Variants in SSRP1 observed in about 807,000 individuals in gnomAD.
The protein encoded by SSRP1 is FACT complex subunit SSRP1.
In SSRP1, 21 loss-of-function variants were observed where a neutral mutation model predicts 84.4. That is an observed-to-expected ratio of 0.25 (90% CI 0.18 to 0.36). The LOEUF is 0.36. Among genes scored for constraint, SSRP1 ranks in the 10% least tolerant of loss-of-function variants. SSRP1 has a pLI of 1.00. For synonymous variants in SSRP1, 319 were observed against 318.3 expected (o/e 1.00, Z -0.02); for missense variants, 519 against 900.8 (o/e 0.58, Z 5.43).
chr11:57,331,629 G>T (rs748837084), intron 9 of SSRP1, 39 bp downstream of exon 9: 17 of 1,557,624 alleles, frequency 1.1e-5, no homozygotes, highest in Non-Finnish European at 1.4e-5. Context: ...GCTGGCTCGG[G>T]ACCAGGATGC....
At chr11:57,326,621 CATT>C in intron 16 of SSRP1, 79 bp downstream of exon 16, 2 of 1,584,940 alleles carry the variant, frequency 1.3e-6, no homozygotes, top group Non-Finnish European at 1.7e-6. Context: ...CACTCCAACT[CATT>C]ACTCTTACAG....
rs1431595881 is a variant in SSRP1 at position 57,332,351 on chromosome 11, G to C, written c.872+32C>G. 2 of 1,613,852 alleles carry C rather than the reference G, an allele frequency of 1.2e-6. No homozygotes were observed. The highest frequency in any genetic ancestry group is 1.7e-6 in the Non-Finnish European group (2 of 1,179,778). On this transcript the variant is annotated intron_variant, in intron 7 of 16. Coordinates refer to ENST00000278412, the MANE Select transcript of SSRP1 (RefSeq NM_003146.3). This position sits in a 1 kb window ranked among gnomAD's most constrained non-coding sequence, Gnocchi z 5.5. The stretch of plus-strand genomic sequence containing the variant: ...GGCACACCTGTCTCCTGCCTGGACA[G>C]TGGTAGGAAACGAGTCCAGGGAGAC...
At chr11:57,327,668 C>G in intron 14 of SSRP1, 44 bp downstream of exon 14, 1 of 1,609,184 alleles carries the variant, frequency 6.2e-7, no homozygotes, top group Non-Finnish European at 8.5e-7. Flanking sequence ...CAGCACCTCT[C>G]GCCAGCCCAT....
At position 57,333,024 on chromosome 11, in the gene SSRP1, C is replaced by A. The variant is rs1856125275; in HGVS notation, c.472G>T (p.Val158Leu). The A allele has an allele frequency of 6.2e-7, 1 of 1,614,058 alleles. No homozygotes were observed. Residue 158 changes from valine (V) to leucine (L), a missense_variant, in exon 5 of 17, where the codon GTG becomes TTG. Physicochemically the swap from Val to Leu is conservative, Grantham distance 32 (BLOSUM62 1). Transcript: ENST00000278412. The part of the protein sequence containing the change: ...LEFHQNDDAE[V>L]SLMEVRFYVP... Reference sequence around the variant, plus strand: ...TAGAAGCGCACCTCCATGAGAGACACCTCTGCGTCATCGTTTTGGTGGAAT... The same window carrying A: ...TAGAAGCGCACCTCCATGAGAGACAACTCTGCGTCATCGTTTTGGTGGAAT...
rs1435021032 is a variant in SSRP1, at chr11:57,335,374, C to G, written c.-119-134G>C. The G allele has an allele frequency of 2.2e-6, 1 of 465,088 alleles. No homozygotes were observed. Among genetic ancestry groups the G allele is most frequent in the Non-Finnish European group, 4.0e-6 (1 of 249,892 alleles). 28.8% of individuals were successfully genotyped at this position (465,088 alleles called of 1,614,324 possible). Reference sequence around the variant, plus strand: ...CTGCCTGGAAACCTACAGACGGACGCTGCAGTGCCCGAGGGTCCAGGTCCA... The same window carrying G: ...CTGCCTGGAAACCTACAGACGGACGGTGCAGTGCCCGAGGGTCCAGGTCCA... On this transcript the variant is annotated intron_variant, in intron 1 of 16. Coordinates refer to ENST00000278412, the MANE Select transcript of SSRP1 (RefSeq NM_003146.3). This position sits in a 1 kb window ranked among gnomAD's most constrained non-coding sequence, Gnocchi z 4.6.
chr11:57,334,713 T>G, intron 2 of SSRP1, 65 bp from the exon 3 acceptor site: 60 of 1,550,410 alleles, frequency 3.9e-5, no homozygotes, highest in Non-Finnish European at 4.9e-5. Flanking sequence ...TCTACAGCTC[T>G]ACCTAACACA....
In SSRP1 at chr11:57,327,860, T is replaced by C. The variant is rs144558178; in HGVS notation, c.1634A>G (p.Asn545Ser). ...TGCAGACATGGGCCTCTTGGGGGCA[T>C]TGGGGTCTTTGCCCTTCTTCACCTA... ...PVEVKKGKDP[N>S]APKRPMSAYM... The change falls in exon 14 of 17, where the codon AAT (asparagine) becomes AGT (serine). Residue 545 changes from asparagine to serine, a missense_variant. Physicochemically the swap from Asn to Ser is conservative, Grantham distance 46. Coordinates refer to ENST00000278412, the MANE Select transcript of SSRP1 (RefSeq NM_003146.3). 7.5e-5 allele frequency: 121 copies of C among 1,614,052 alleles called. No homozygotes were observed. In the African/African-American group the frequency reaches 1.4e-3, roughly 18 times the overall value.
At chr11:57,328,583 T>TCC in intron 12 of SSRP1, 157 bp from the exon 13 acceptor site, 1 of 1,047,194 alleles carries the variant, frequency 9.5e-7, no homozygotes, top group Non-Finnish European at 1.3e-6. Flanking sequence ...CACTGCTTTC[T>TCC]CCCATTCACT....
At position 57,335,015 on chromosome 11, in the gene SSRP1, C is replaced by T. The variant is rs1173410235; in HGVS notation, c.54+53G>A. The stretch of plus-strand genomic sequence containing the variant: ...GCAAGCTCTCATTAATGGACAAAAA[C>T]TCTACCCTCCTTCCTTCTCTCTACT... On this transcript the variant is annotated intron_variant, in intron 2 of 16. Coordinates refer to ENST00000278412, the MANE Select transcript of SSRP1 (RefSeq NM_003146.3). This position sits in a 1 kb window ranked among gnomAD's most constrained non-coding sequence, Gnocchi z 4.6. 1.9e-6 allele frequency: 3 copies of T among 1,602,556 alleles called. No homozygotes were observed. The highest frequency in any genetic ancestry group is 2.6e-6 in the Non-Finnish European group (3 of 1,169,992).
chr11:57,327,382 T>G, intron 15 of SSRP1, 44 bp downstream of exon 15: 8 of 1,566,280 alleles, frequency 5.1e-6, no homozygotes, highest in Non-Finnish European at 7.0e-6. Flanking sequence ...AAAAAAAAAG[T>G]CTGCCACAAA....
In SSRP1 at chr11:57,330,739, T is replaced by C. The variant is rs1856072473; in HGVS notation, c.1296+116A>G. On this transcript the variant is annotated intron_variant, in intron 10 of 16. Transcript: ENST00000278412. The surrounding 1 kb of genome is among the most constrained non-coding windows in gnomAD (Gnocchi z 4.0). ...GGGAAAGGGTCACACGCACCTCTTT[T>C]TTCTATAAGGGTAAGAAGAGAAGAA... 1.9e-6 allele frequency: 3 copies of C among 1,551,768 alleles called. No homozygotes were observed. The South Asian group carries it at 3.6e-5, about 19-fold the overall frequency.
chr11:57,328,446 G>T lies in SSRP1; in HGVS notation c.1482-20C>A. 2 of 1,613,768 alleles carry T rather than the reference G, an allele frequency of 1.2e-6. No homozygotes were observed. The highest frequency in any genetic ancestry group is 1.7e-6 in the Non-Finnish European group (2 of 1,179,902). ...TCAAACCTGCCAGAGAACAAGCCAG[G>T]CTTAGACTTGAGGAGGGAAGACAGG... On this transcript the variant is annotated intron_variant, in intron 12 of 16. Transcript: ENST00000278412.
chr11:57,326,547 G>A, intron 16 of SSRP1, 69 bp from the exon 17 acceptor site: 3 of 1,606,894 alleles, frequency 1.9e-6, no homozygotes, highest in Non-Finnish European at 1.7e-6. Flanking sequence ...TCAGTGAAGG[G>A]CCCGCAATTC....
chr11:57,331,611 T>C, intron 9 of SSRP1, 57 bp downstream of exon 9: 5 of 1,464,480 alleles, frequency 3.4e-6, no homozygotes, highest in Non-Finnish European at 4.8e-6. Context: ...CCAGCCTTCC[T>C]AGACAAAGCT....
In SSRP1 at chr11:57,333,117, G is replaced by T; in HGVS notation, c.379C>A (p.Pro127Thr). 6.2e-7 allele frequency: 1 copy of T among 1,612,552 alleles called. No individual in the cohort carries two copies. The highest frequency in any genetic ancestry group is 1.7e-5 in the Admixed American group (1 of 59,916). ...TTGCTGAGGGGTATCTCAAAGACTG[G>T]CTGGTCACCAATGTCAAAGGAAAGC... The part of the protein sequence containing the change: ...QLLSFDIGDQ[P>T]VFEIPLSNVS... Residue 127 changes from proline (P) to threonine (T), a missense_variant, in exon 5 of 17, where the codon CCA becomes ACA. Around this residue, in one of 7 missense-constraint regions of SSRP1, gnomAD observed 159 missense variants for 359.0 expected, o/e 0.44. Transcript: ENST00000278412.
At chr11:57,326,930 C>T (rs1296491033) in intron 15 of SSRP1, 41 bp from the exon 16 acceptor site, 4 of 1,521,162 alleles carry the variant, frequency 2.6e-6, no homozygotes, top group Non-Finnish European at 3.5e-6. Context: ...CCTTCAGGTC[C>T]CCTGTCACCA....
rs745756864 is a variant in SSRP1 at position 57,330,245 on chromosome 11, G to A, written c.1435+46C>T. The A allele has an allele frequency of 1.2e-5, 19 of 1,614,154 alleles. No individual in the cohort carries two copies. The highest frequency in any genetic ancestry group is 9.3e-5 in the African/African-American group (7 of 75,070). ...GGGTGAGTCCAGCCCGGGCCACAGCGAGGAGCGTCTGACCATCCTCGTGCT... is the reference window on the plus strand; with the variant it reads ...GGGTGAGTCCAGCCCGGGCCACAGCAAGGAGCGTCTGACCATCCTCGTGCT... On this transcript the variant is annotated intron_variant, in intron 11 of 16. Coordinates refer to ENST00000278412, the MANE Select transcript of SSRP1 (RefSeq NM_003146.3). This position sits in a 1 kb window ranked among gnomAD's most constrained non-coding sequence, Gnocchi z 4.0.
In SSRP1 at chr11:57,335,086, C is replaced by T; in HGVS notation, c.36G>A (p.Gln12=). ...TTCTCACCATGGAACCTTTCACCTCCTGATAGACGTCGTTGAACTCCAGTG... is the reference window on the plus strand; with the variant it reads ...TTCTCACCATGGAACCTTTCACCTCTTGATAGACGTCGTTGAACTCCAGTG... ...AETLEFNDVY[Q]EVKGSMNDGR... Residue 12 remains glutamine, a synonymous_variant, in exon 2 of 17, where the codon CAG becomes CAA. Coordinates refer to ENST00000278412, the MANE Select transcript of SSRP1 (RefSeq NM_003146.3). The surrounding 1 kb of genome is among the most constrained non-coding windows in gnomAD (Gnocchi z 4.6). 1.2e-6 allele frequency: 2 copies of T among 1,614,162 alleles called. No homozygotes were observed. The highest frequency in any genetic ancestry group is 1.7e-5 in the Admixed American group (1 of 60,030).
chr11:57,334,365 C>G (rs1459881011), intron 3 of SSRP1, 98 bp downstream of exon 3: 4 of 1,427,606 alleles, frequency 2.8e-6, no homozygotes, highest in Non-Finnish European at 2.9e-6. Flanking sequence ...CCCAAACTAG[C>G]AATCACAGGG....
Sources: allele counts gnomAD v4.1 joint callset, GRCh38; gene constraint gnomAD v4.1.1; regional missense constraint gnomAD v4.1.1; non-coding constraint Gnocchi (gnomAD v3.1); transcripts MANE v1.5; gene names NCBI Gene and HGNC (gene_info 2026-07-23, HGNC 2026-07-21).